CNOT10: variants seen among roughly 807,000 people sequenced by gnomAD.
CNOT10 encodes CCR4-NOT transcription complex, subunit 10.
In CNOT10, 30 loss-of-function variants were observed where a neutral mutation model predicts 94.6. That is an observed-to-expected ratio of 0.32 (90% confidence interval 0.24 to 0.43). The LOEUF (loss-of-function observed/expected upper bound fraction) is 0.43. Ranked by LOEUF, CNOT10 falls within the 20% of genes least tolerant of loss-of-function variation. The pLI is 1.00. For missense variants in CNOT10, 759 were observed against 877.2 expected, an observed-to-expected ratio of 0.87 and a Z score of 1.70; for synonymous variants, 289 against 301.6, an observed-to-expected ratio of 0.96 and a Z score of 0.43.
At chr3:32,729,929 C>T (rs1356165144) in intron 10 of CNOT10, among the ~76,000 whole-genome samples, 10 of 150,760 alleles carry the variant, frequency 6.6e-5, no homozygotes, top group Admixed American at 2.0e-4. Flanking sequence ...CCACTACGCC[C>T]GGCTAATTTT....
chr3:32,697,854 C>G (rs931138607), intron 1 of CNOT10, among the ~76,000 whole-genome samples: 7 of 152,142 alleles, frequency 4.6e-5, no homozygotes, highest in Admixed American at 4.6e-4. Context: ...AATTATGCTT[C>G]TTTATGAGAG....
chr3:32,687,323 A>G (rs550540283), intron 1 of CNOT10, among the ~76,000 whole-genome samples: 4 of 150,956 alleles, frequency 2.6e-5, no homozygotes, highest in African/African-American at 7.3e-5. Flanking sequence ...CATTCATTGA[A>G]TCCTGTCATT....
chr3:32,745,782 T>C (rs552410827), intron 13 of CNOT10, among the ~76,000 whole-genome samples: 1 of 152,314 alleles, frequency 6.6e-6, no homozygotes, highest in African/African-American at 2.4e-5. Flanking sequence ...GCAAATTGCT[T>C]GAGTCCAGGA....
At chr3:32,754,313 T>C (rs1478329841) in intron 13 of CNOT10, among the ~76,000 whole-genome samples, 9 of 146,822 alleles carry the variant, frequency 6.1e-5, no homozygotes, top group East Asian at 2.1e-4. Flanking sequence ...CCATCTCTAC[T>C]AAAAATACAA....
chr3:32,753,406 G>A, intron 13 of CNOT10: 1 of 1,453,204 alleles, frequency 6.9e-7, no homozygotes, highest in Non-Finnish European at 9.7e-7. Flanking sequence ...TGTAAATGTG[G>A]AATTTTCAGA....
rs1697962357 is a variant in CNOT10, at chr3:32,713,123, AT to A, written c.431-103del. On this transcript the variant is annotated intron_variant, in intron 4 of 18. Coordinates refer to ENST00000328834, the MANE Select transcript of CNOT10 (RefSeq NM_015442.3). ...TAGGCATTCATTTGAGTAAAGACTT[AT>A]GCTTTGCTATTTAAAGCTTTGTATA... 4 of 893,818 alleles carry A rather than the reference AT, an allele frequency of 4.5e-6. No homozygotes were observed. The East Asian group carries it at 1.1e-4, about 25-fold the overall frequency. The allele number at this position is 893,818 out of a possible 1,614,324, so 55.4% of individuals were successfully genotyped here.
At chr3:32,698,695 T>G (rs1175370918) in intron 1 of CNOT10, among the ~76,000 whole-genome samples, 1 of 152,216 alleles carries the variant, frequency 6.6e-6, no homozygotes, top group East Asian at 1.9e-4. Context: ...TCATATTGCC[T>G]TCTTGGAAAA....
chr3:32,715,564 A>G (rs1039824527), intron 5 of CNOT10, among the ~76,000 whole-genome samples: 1 of 152,218 alleles, frequency 6.6e-6, no homozygotes, highest in African/African-American at 2.4e-5. Context: ...AGTTTTAAGA[A>G]GTGGGTAGAT....
At chr3:32,698,951 A>G (rs1477679234) in intron 1 of CNOT10, among the ~76,000 whole-genome samples, 1 of 152,042 alleles carries the variant, frequency 6.6e-6, no homozygotes, top group African/African-American at 2.4e-5. Flanking sequence ...ATGCCCAGCT[A>G]ATTTTTGTAT....
intron 10 of CNOT10, among the ~76,000 whole-genome samples, chr3:32,729,742 T>C (rs948865465): frequency 5.3e-5 from 8 of 151,412 alleles, no homozygotes; most frequent in Non-Finnish European, 1.0e-4. Flanking sequence ...TAAACAGTTC[T>C]AGGCAGAATT....
intron 1 of CNOT10, among the ~76,000 whole-genome samples, chr3:32,686,535 T>G (rs1696607980): frequency 6.6e-6 from 1 of 152,158 alleles, no homozygotes; most frequent in South Asian, 2.1e-4. Flanking sequence ...TGAGAGGGTA[T>G]AAGGAATGTG....
Position 32,754,006 on chromosome 3 carries a change from A to G in CNOT10, c.1596-5452A>G, listed in dbSNP as rs879112773. On this transcript the variant is annotated intron_variant, in intron 13 of 18. Coordinates refer to ENST00000328834, the MANE Select transcript of CNOT10 (RefSeq NM_015442.3). ...CAGTTACTGGGAAGGCCACCAAGGC[A>G]GGAGAATTGCTTGAACCCAGGAGGC... 29 of 563,208 alleles carry G rather than the reference A, an allele frequency of 5.1e-5. No individual in the cohort carries two copies. In the African/African-American group the frequency reaches 5.6e-4, roughly 11 times the overall value. 34.9% of individuals were successfully genotyped at this position (563,208 alleles called of 1,614,324 possible). A position where few individuals can be genotyped will look rare whatever the true frequency, so the allele number is the denominator to read the frequency against.
intron 13 of CNOT10, among the ~76,000 whole-genome samples, chr3:32,743,355 TGTG>T (rs1699555777): frequency 6.6e-6 from 1 of 152,060 alleles, no homozygotes; most frequent in Admixed American, 6.6e-5. Context: ...TTCTGCCAGG[TGTG>T]GTGGCTCACG....
intron 9 of CNOT10, among the ~76,000 whole-genome samples, chr3:32,726,203 C>T (rs966367900): frequency 3.3e-5 from 5 of 152,114 alleles, no homozygotes; most frequent in African/African-American, 1.2e-4. Flanking sequence ...CTCAGTCTTC[C>T]AAGGTGCTGG....
At chr3:32,745,097 T>G (rs964996992) in intron 13 of CNOT10, among the ~76,000 whole-genome samples, 1 of 152,136 alleles carries the variant, frequency 6.6e-6, no homozygotes, top group Non-Finnish European at 1.5e-5. Context: ...CAGGCTGGTA[T>G]TGAACTCCTG....
At chr3:32,726,694 C>A (rs113442586) in intron 9 of CNOT10, among the ~76,000 whole-genome samples, 2,284 of 142,018 alleles carry the variant, frequency 0.016, 252 homozygotes, top group African/African-American at 0.032. Flanking sequence ...AGACTCTGTC[C>A]ATAATAATAA....
At chr3:32,719,347 G>A (rs761486230) in intron 7 of CNOT10, among the ~76,000 whole-genome samples, 1 of 152,194 alleles carries the variant, frequency 6.6e-6, no homozygotes, top group African/African-American at 2.4e-5. Context: ...TTGAACCTAG[G>A]AGGCGGAGGT....
At chr3:32,700,645 G>A (rs1177656998) in intron 1 of CNOT10, among the ~76,000 whole-genome samples, 1 of 152,124 alleles carries the variant, frequency 6.6e-6, no homozygotes, top group African/African-American at 2.4e-5. Context: ...TTGCGGATAG[G>A]TTCAAGCTTT....
chr3:32,747,249 C>CTA (rs1215070979), intron 13 of CNOT10, among the ~76,000 whole-genome samples: 4 of 151,952 alleles, frequency 2.6e-5, no homozygotes, highest in Non-Finnish European at 5.9e-5. Context: ...AACTCTGTCT[C>CTA]TACTAAAAAT....
Sources: gnomAD v4.1 joint callset for allele counts (sites outside exome capture counted in the v4.1 genomes callset) on GRCh38, gnomAD v4.1.1 for gene constraint, MANE v1.5 for transcripts, NCBI Gene and HGNC (gene_info 2026-07-23, HGNC 2026-07-21) for gene names.